Variants in CARMIL1 observed in about 807,000 individuals in gnomAD.
CARMIL1 encodes the protein capping protein regulator and myosin 1 linker 1.
A neutral mutation model predicts 177.1 loss-of-function variants in CARMIL1; 90 were observed. The observed-to-expected ratio is 0.51, with a 90% CI of 0.43 to 0.61. The LOEUF is 0.61. Among genes scored for constraint, CARMIL1 ranks in the 20% least tolerant of loss-of-function variants. The probability of loss-of-function intolerance (pLI) is 0.00; values close to 1 mark genes in which losing one functional copy is unlikely to be tolerated. For synonymous variants in CARMIL1, 577 were observed against 606.2 expected (o/e 0.95, Z 0.71); for missense variants, 1,380 against 1,667.0 (o/e 0.83, Z 3.00).
chr6:25,445,603 C>T (rs1012657573), intron 5 of CARMIL1, among the ~76,000 whole-genome samples: 11 of 148,084 alleles, frequency 7.4e-5, no homozygotes, highest in African/African-American at 1.8e-4. Context: ...GGCGTGATCT[C>T]GGCTCACTGC....
At chr6:25,335,282 G>A (rs59329715) in intron 2 of CARMIL1, among the ~76,000 whole-genome samples, 4,879 of 152,196 alleles carry the variant, frequency 0.032, 103 homozygotes, top group Middle Eastern at 0.085. Flanking sequence ...TGAAAATCCC[G>A]AAAAGCATGC....
intron 31 of CARMIL1, among the ~76,000 whole-genome samples, chr6:25,589,121 A>G (rs887337601): frequency 6.6e-6 from 1 of 152,100 alleles, no homozygotes; most frequent in Non-Finnish European, 1.5e-5. Context: ...GTGCTTAAAA[A>G]TCCCTACACA....
Position 25,434,441 on chromosome 6 carries a change from A to C in CARMIL1, c.250-1042A>C, listed in dbSNP as rs1459617520. Among the ~76,000 whole-genome samples, 3 of 152,162 alleles carry C rather than the reference A, an allele frequency of 2.0e-5. No individual in the cohort carries two copies. In the East Asian group the frequency reaches 5.8e-4, roughly 29 times the overall value. On this transcript the variant is annotated intron_variant, in intron 4 of 36. Coordinates refer to ENST00000329474, the MANE Select transcript of CARMIL1 (RefSeq NM_017640.6). ...TAGGAATGAGTCTTAGTCTAACACT[A>C]AACCTAACACCAAACATTTTATTAA...
Position 25,554,118 on chromosome 6 carries a change from A to C in CARMIL1, c.2592+22A>C. 1 of 1,528,618 alleles carries C rather than the reference A, an allele frequency of 6.5e-7. No individual in the cohort carries two copies. The highest frequency in any genetic ancestry group is 8.9e-7 in the Non-Finnish European group (1 of 1,118,024). 94.7% of individuals were successfully genotyped at this position (1,528,618 alleles called of 1,614,324 possible). A position where few individuals can be genotyped will look rare whatever the true frequency, so the allele number is the denominator to read the frequency against. On this transcript the variant is annotated intron_variant, in intron 28 of 36. Transcript: ENST00000329474. This position sits in a 1 kb window ranked among gnomAD's most constrained non-coding sequence, Gnocchi z 4.6. Reference sequence around the variant, plus strand: ...ACTGGTGAGTGCTGTGCACATCTTGAGCAGGACCTCCTGTTTCAGCTCTGC... The same window carrying C: ...ACTGGTGAGTGCTGTGCACATCTTGCGCAGGACCTCCTGTTTCAGCTCTGC...
At chr6:25,331,665 C>T (rs1194261230) in intron 2 of CARMIL1, among the ~76,000 whole-genome samples, 2 of 152,294 alleles carry the variant, frequency 1.3e-5, no homozygotes, top group East Asian at 1.9e-4. Context: ...CCAAGGGAGC[C>T]GAAGTTCAGT....
In CARMIL1 at chr6:25,441,534, C is replaced by T. The variant is rs186670539; in HGVS notation, c.371+5930C>T. Among the ~76,000 whole-genome samples the T allele has an allele frequency of 2.0e-3, 301 of 152,040 alleles. 1 individual carries two copies. The Middle Eastern group carries it at 0.027, about 14-fold the overall frequency. On this transcript the variant is annotated intron_variant, in intron 5 of 36. Coordinates refer to ENST00000329474, the MANE Select transcript of CARMIL1 (RefSeq NM_017640.6). ...TTAGGATATTTCTCTCTCCCTCTCT[C>T]CTTCCCTTCTAAAATGACATTTTCT...
intron 11 of CARMIL1, among the ~76,000 whole-genome samples, chr6:25,480,772 C>G (rs1373657838): frequency 7.1e-6 from 1 of 141,072 alleles, no homozygotes; most frequent in Non-Finnish European, 1.5e-5. Flanking sequence ...GCTGTGTTAC[C>G]CAGGCTGGCG....
intron 34 of CARMIL1, 102 bp downstream of exon 34, chr6:25,604,995 A>G (rs1405375153): frequency 9.2e-6 from 8 of 867,374 alleles, no homozygotes; most frequent in Non-Finnish European, 8.9e-6. Flanking sequence ...GGAGGCAAGA[A>G]CTGATCTCTT....
intron 32 of CARMIL1, among the ~76,000 whole-genome samples, chr6:25,595,183 G>A (rs1269039406): frequency 6.6e-6 from 1 of 152,148 alleles, no homozygotes; most frequent in African/African-American, 2.4e-5. Context: ...CTTTAAGCAT[G>A]ATTTGTACCA....
chr6:25,594,043 A>G (rs1262255907), intron 31 of CARMIL1, among the ~76,000 whole-genome samples: 3 of 152,154 alleles, frequency 2.0e-5, no homozygotes, highest in African/African-American at 7.2e-5. Context: ...CCCTGGAGTC[A>G]TCACCACTCT....
chr6:25,532,161 G>T (rs546444641), intron 24 of CARMIL1, among the ~76,000 whole-genome samples: 2 of 150,476 alleles, frequency 1.3e-5, no homozygotes, highest in African/African-American at 2.5e-5. Context: ...GTGCAATGGC[G>T]CAACCCTGGC....
At chr6:25,301,334 A>AC (rs1782843604) in intron 2 of CARMIL1, among the ~76,000 whole-genome samples, 4 of 151,180 alleles carry the variant, frequency 2.6e-5, no homozygotes, top group South Asian at 4.3e-4. Flanking sequence ...GAATTGGGTG[A>AC]CAGAGCACAG....
At chr6:25,450,550 C>T in intron 7 of CARMIL1, 88 bp from the exon 8 acceptor site, 2 of 1,036,176 alleles carry the variant, frequency 1.9e-6, no homozygotes, top group Non-Finnish European at 2.9e-6. Context: ...AAAAACCTGC[C>T]ATTGTCATTG....
At chr6:25,401,602 G>GCATATA (rs1793886821) in intron 2 of CARMIL1, among the ~76,000 whole-genome samples, 1 of 152,162 alleles carries the variant, frequency 6.6e-6, no homozygotes, top group Non-Finnish European at 1.5e-5. Flanking sequence ...AATCTCTTGG[G>GCATATA]TCATGCAATT....
chr6:25,360,616 G>A (rs1258515974), intron 2 of CARMIL1, among the ~76,000 whole-genome samples: 2 of 152,180 alleles, frequency 1.3e-5, no homozygotes, highest in African/African-American at 4.8e-5. Context: ...AGAAGACTGG[G>A]ATAGCCAAGG....
chr6:25,417,099 T>C (rs891892591), intron 2 of CARMIL1, among the ~76,000 whole-genome samples: 3 of 152,130 alleles, frequency 2.0e-5, no homozygotes, highest in Non-Finnish European at 4.4e-5. Flanking sequence ...GGAGGAGCAG[T>C]ATTTGAAAGA....
chr6:25,455,559 G>A (rs1799435437), intron 8 of CARMIL1, among the ~76,000 whole-genome samples: 1 of 152,166 alleles, frequency 6.6e-6, no homozygotes, highest in Non-Finnish European at 1.5e-5. Context: ...TTTCTAGAAA[G>A]CCTGCCAGAT....
chr6:25,296,924 T>TCTAC (rs1554153519), intron 2 of CARMIL1, among the ~76,000 whole-genome samples: 1 of 64,430 alleles, frequency 1.6e-5, no homozygotes, highest in Non-Finnish European at 3.3e-5. Flanking sequence ...TATCTATCTA[T>TCTAC]CTATCTATCT....
intron 11 of CARMIL1, among the ~76,000 whole-genome samples, chr6:25,478,378 T>C (rs1328163830): frequency 6.6e-6 from 1 of 152,172 alleles, no homozygotes; most frequent in African/African-American, 2.4e-5. Flanking sequence ...TTACCTACCT[T>C]CTCTGTACCT....
Sources: gnomAD v4.1 joint callset for allele counts (sites outside exome capture counted in the v4.1 genomes callset) on GRCh38, gnomAD v4.1.1 for gene constraint, Gnocchi (gnomAD v3.1) non-coding constraint, MANE v1.5 for transcripts, NCBI Gene and HGNC (gene_info 2026-07-23, HGNC 2026-07-21) for gene names.